Variants in ARHGEF28 observed in about 807,000 individuals in gnomAD.
ARHGEF28 encodes 190 kDa guanine nucleotide exchange factor.
Under a neutral mutation model 206.6 loss-of-function variants are expected in ARHGEF28, and 152 were observed. That is an observed-to-expected ratio of 0.74 (90% CI 0.64 to 0.84). ARHGEF28 has a LOEUF of 0.84. Among genes scored for constraint, ARHGEF28 ranks in the 40% least tolerant of loss-of-function variants. The probability of loss-of-function intolerance (pLI) is 0.00; values close to 1 mark genes in which losing one functional copy is unlikely to be tolerated. For missense variants in ARHGEF28, 2,028 were observed against 2,073.2 expected (o/e 0.98, Z 0.42); for synonymous variants, 763 against 776.4 (o/e 0.98, Z 0.29).
intron 9 of ARHGEF28, among the ~76,000 whole-genome samples, chr5:73,797,523 G>T (rs1175793914): frequency 6.6e-6 from 1 of 152,054 alleles, no homozygotes; most frequent in African/African-American, 2.4e-5. Context: ...GCCTCAGCCT[G>T]CCGAGTAGCT....
intron 11 of ARHGEF28, 34 bp from the exon 12 acceptor site, chr5:73,846,234 G>T (rs1321373721): frequency 6.3e-7 from 1 of 1,596,726 alleles, no homozygotes; most frequent in Non-Finnish European, 8.6e-7. Flanking sequence ...GTCCTTCCTT[G>T]CTTCTTTACT....
At chr5:73,807,862 A>G (rs986301792) in intron 9 of ARHGEF28, among the ~76,000 whole-genome samples, 1 of 151,508 alleles carries the variant, frequency 6.6e-6, no homozygotes. Context: ...ATATTTATTA[A>G]TAATAGATTA....
chr5:73,636,098 T>G (rs73762137), intron 1 of ARHGEF28, among the ~76,000 whole-genome samples: 6,336 of 152,272 alleles, frequency 0.042, 453 homozygotes, highest in African/African-American at 0.14. Context: ...TGGACAGAAA[T>G]TTGTTTATTA....
At chr5:73,845,859 A>C (rs1397165462) in intron 11 of ARHGEF28, among the ~76,000 whole-genome samples, 1 of 151,854 alleles carries the variant, frequency 6.6e-6, no homozygotes, top group Non-Finnish European at 1.5e-5. Flanking sequence ...GTGGTGGCGC[A>C]CGCCTGTAGT....
intron 35 of ARHGEF28, chr5:73,923,016 A>G (rs1035389559): frequency 1.5e-6 from 2 of 1,369,176 alleles, no homozygotes; most frequent in African/African-American, 2.9e-5. Flanking sequence ...AAAAAACACA[A>G]TGAATATTTT....
intron 35 of ARHGEF28, among the ~76,000 whole-genome samples, chr5:73,926,469 C>T (rs907115696): frequency 1.3e-4 from 20 of 152,294 alleles, no homozygotes; most frequent in Non-Finnish European, 8.8e-5. Flanking sequence ...ATTCAAGACC[C>T]TCCCAAACCT....
intron 14 of ARHGEF28, among the ~76,000 whole-genome samples, chr5:73,853,837 A>G (rs1381469425): frequency 6.6e-6 from 1 of 152,230 alleles, no homozygotes; most frequent in Admixed American, 6.5e-5. Context: ...ACAACTGGAA[A>G]AATAATGGAT....
intron 5 of ARHGEF28, among the ~76,000 whole-genome samples, chr5:73,775,525 G>T (rs1284844502): frequency 3.9e-5 from 6 of 152,120 alleles, no homozygotes; most frequent in Non-Finnish European, 7.3e-5. Context: ...GTTCTTTAAG[G>T]ATCTCTTTTT....
At position 73,886,027 on chromosome 5, in the gene ARHGEF28, AG is replaced by A; in HGVS notation, c.3235del (p.Ala1079HisfsTer2). On this transcript the variant is annotated frameshift_variant, in exon 25 of 36. Coordinates refer to ENST00000513042, the MANE Select transcript of ARHGEF28 (RefSeq NM_001177693.2). LOFTEE classifies it high-confidence loss of function. ...AAAAATGGACATGTGTTTAGGAAGC[AG>A]GCACTGATGAGTGAAGAAAGGACTC... The part of the protein sequence containing the change: ...KLKNGHVFRK[Q>X]ALMSEERTLL... 1.2e-6 allele frequency: 2 copies of A among 1,613,970 alleles called. No homozygotes were observed. Among genetic ancestry groups the A allele is most frequent in the Non-Finnish European group, 1.7e-6 (2 of 1,179,866 alleles).
chr5:73,731,596 A>G (rs976917071), intron 2 of ARHGEF28, among the ~76,000 whole-genome samples: 1 of 152,072 alleles, frequency 6.6e-6, no homozygotes, highest in Non-Finnish European at 1.5e-5. Flanking sequence ...TTTTGAAGGG[A>G]TAGGGTGGTC....
At chr5:73,772,966 G>A (rs1003778794) in intron 4 of ARHGEF28, among the ~76,000 whole-genome samples, 1 of 152,150 alleles carries the variant, frequency 6.6e-6, no homozygotes, top group Admixed American at 6.5e-5. Flanking sequence ...TGGAGAAGTA[G>A]GTCATTTTGT....
intron 1 of ARHGEF28, among the ~76,000 whole-genome samples, chr5:73,674,001 A>C (rs116098035): frequency 0.025 from 3,389 of 137,912 alleles, 130 homozygotes; most frequent in African/African-American, 0.092. Context: ...GTGACACTCC[A>C]TCTCTTTAAA....
At chr5:73,759,841 C>A (rs534765372) in intron 4 of ARHGEF28, among the ~76,000 whole-genome samples, 10 of 152,234 alleles carry the variant, frequency 6.6e-5, no homozygotes, top group Admixed American at 2.6e-4. Context: ...GCCACATACC[C>A]TGAAACTTCT....
At chr5:73,848,902 A>G in intron 12 of ARHGEF28, 74 bp from the exon 13 acceptor site, 1 of 1,062,256 alleles carries the variant, frequency 9.4e-7, no homozygotes, top group Non-Finnish European at 1.4e-6. Context: ...CAAATTTAGT[A>G]ACATTTGAGG....
At position 73,643,435 on chromosome 5, in the gene ARHGEF28, A is replaced by G. The variant is rs555451473; in HGVS notation, c.-12+17113A>G. 1.8e-3 allele frequency among the ~76,000 whole-genome samples: 277 copies of G among 152,352 alleles called. 3 individuals are homozygous for G. The highest frequency in any genetic ancestry group is 6.3e-3 in the African/African-American group (264 of 41,594). On this transcript the variant is annotated intron_variant, in intron 1 of 35. Transcript: ENST00000513042. Reference sequence around the variant, plus strand: ...GTGCAATTTAGTGGTTGCCTTCATTATATTTTTGGAAGACATTTAATAGTT... The same window carrying G: ...GTGCAATTTAGTGGTTGCCTTCATTGTATTTTTGGAAGACATTTAATAGTT...
intron 2 of ARHGEF28, among the ~76,000 whole-genome samples, chr5:73,722,211 G>A (rs76851951): frequency 5.9e-5 from 9 of 151,930 alleles, no homozygotes; most frequent in South Asian, 2.1e-4. Flanking sequence ...CCGAAGGAAG[G>A]GAGGGAAAGA....
At chr5:73,926,474 A>T (rs1033669096) in intron 35 of ARHGEF28, among the ~76,000 whole-genome samples, 1 of 152,004 alleles carries the variant, frequency 6.6e-6, no homozygotes. Context: ...AGACCCTCCC[A>T]AACCTCCTTT....
rs575703150 is a variant in ARHGEF28 at position 73,836,836 on chromosome 5, A to G, written c.1147-3644A>G. 4.6e-5 allele frequency among the ~76,000 whole-genome samples: 7 copies of G among 152,214 alleles called. No individual in the cohort carries two copies. In the East Asian group the frequency reaches 9.6e-4, roughly 21 times the overall value. ...TATTGCATTTTGAGTTGATATTTGT[A>G]TATGTGGTAAGATAGGGATCCAGTT... On this transcript the variant is annotated intron_variant, in intron 10 of 35. Coordinates refer to ENST00000513042, the MANE Select transcript of ARHGEF28 (RefSeq NM_001177693.2).
chr5:73,641,717 G>A (rs965571479), intron 1 of ARHGEF28, among the ~76,000 whole-genome samples: 6 of 152,166 alleles, frequency 3.9e-5, no homozygotes, highest in African/African-American at 7.2e-5. Context: ...TGGAGCTTAC[G>A]AGGTTTAGTC....
Sources: allele counts gnomAD v4.1 joint callset (sites outside exome capture counted in the v4.1 genomes callset), GRCh38; gene constraint gnomAD v4.1.1; transcripts MANE v1.5; gene names NCBI Gene and HGNC (gene_info 2026-07-23, HGNC 2026-07-21).